ZNF776: variants seen among roughly 807,000 people sequenced by gnomAD.
ZNF776 encodes zinc finger protein 776.
A neutral mutation model predicts 7.0 loss-of-function variants in ZNF776; 4 were observed. That is an observed-to-expected ratio of 0.57 (90% CI 0.28 to 1.31). The LOEUF is 1.31. Among genes scored for constraint, ZNF776 ranks in the 50% most tolerant of loss-of-function variants. ZNF776 has a pLI of 0.10. For missense variants in ZNF776, 555 were observed against 625.9 expected (o/e 0.89, Z 1.21); for synonymous variants, 212 against 213.7 (o/e 0.99, Z 0.07).
chr19:57,753,221 A>G (rs981974924), intron 2 of ZNF776, 70 bp from the exon 3 acceptor site: 1 of 1,426,604 alleles, frequency 7.0e-7, no homozygotes, highest in African/African-American at 1.4e-5. Context: ...GCAGCTGTTG[A>G]TCAGGTATGG....
In ZNF776 at chr19:57,746,927, C is replaced by T; in HGVS notation, c.-132C>T. 1.1e-6 allele frequency: 1 copy of T among 892,894 alleles called. No individual in the cohort carries two copies. Among genetic ancestry groups the T allele is most frequent in the Non-Finnish European group, 1.7e-6 (1 of 595,042 alleles). The allele number at this position is 892,894 out of a possible 1,614,324, so 55.3% of individuals were successfully genotyped here. A position where few individuals can be genotyped will look rare whatever the true frequency, so the allele number is the denominator to read the frequency against. ...TGGAGACGAGACGTTGTCCCGACTG[C>T]ACAGAGGCTGCTCTGCAGCTCCTTA... On this transcript the variant is annotated 5_prime_UTR_variant, in exon 1 of 3. Transcript: ENST00000317178.
intron 2 of ZNF776, among the ~76,000 whole-genome samples, chr19:57,751,873 T>TTTTG (rs1555764029): frequency 2.7e-5 from 3 of 112,328 alleles, no homozygotes; most frequent in Admixed American, 1.7e-4. Flanking sequence ...GTTTTGTTTT[T>TTTTG]TTTTTTTTTT....
intron 1 of ZNF776, 52 bp downstream of exon 1, chr19:57,747,143 C>T: frequency 6.5e-7 from 1 of 1,540,824 alleles, no homozygotes. Context: ...TACCTAAGTC[C>T]AAAAGCAGAG....
At chr19:57,748,475 T>C (rs1986504933) in intron 1 of ZNF776, among the ~76,000 whole-genome samples, 1 of 152,166 alleles carries the variant, frequency 6.6e-6, no homozygotes, top group Admixed American at 6.5e-5. Context: ...TGGAAAGGGA[T>C]TGACACTGGA....
At chr19:57,748,289 GT>G (rs1449591443) in intron 1 of ZNF776, among the ~76,000 whole-genome samples, 4 of 152,158 alleles carry the variant, frequency 2.6e-5, no homozygotes, top group Non-Finnish European at 5.9e-5. Flanking sequence ...GGATCCCGAG[GT>G]TTTTGGTCTT....
At chr19:57,753,022 C>T (rs983391121) in intron 2 of ZNF776, among the ~76,000 whole-genome samples, 5 of 152,186 alleles carry the variant, frequency 3.3e-5, no homozygotes, top group African/African-American at 1.2e-4. Flanking sequence ...GATAAGTCTT[C>T]TTCATATTAC....
chr19:57,753,625 C>T lies in ZNF776; in HGVS notation c.495C>T (p.Ile165=). The T allele has an allele frequency of 6.2e-7, 1 of 1,614,110 alleles. No individual in the cohort carries two copies. The highest frequency in any genetic ancestry group is 1.1e-5 in the South Asian group (1 of 91,082). ...TCCATATGTCACATGAGCCATTTAT[C>T]TTTCATGAGGTTGGGAAAGACTTTT... is the stretch of plus-strand genomic sequence containing the variant. The part of the protein sequence containing the change: ...CKFHMSHEPF[I]FHEVGKDFLS... The change falls in exon 3 of 3, where the codon ATC becomes ATT. Residue 165 remains isoleucine, a synonymous_variant. Transcript: ENST00000317178.
chr19:57,747,847 T>A (rs1600064817), intron 1 of ZNF776, among the ~76,000 whole-genome samples: 1 of 5,794 alleles, frequency 1.7e-4, no homozygotes, highest in African/African-American at 5.6e-4. Flanking sequence ...TTAGGTACCT[T>A]TTTTTTTTTT....
rs968164183 is a variant in ZNF776 at position 57,756,925 on chromosome 19, T to C, written c.*2238T>C. On this transcript the variant is annotated 3_prime_UTR_variant, in exon 3 of 3. Coordinates refer to ENST00000317178, the MANE Select transcript of ZNF776 (RefSeq NM_173632.4). ...TGGAATACACTGGCATGGTCATACC[T>C]CACTGCGGCCTCAAACTCCTGGGCT... 2.3e-6 allele frequency: 1 copy of C among 443,872 alleles called. No homozygotes were observed. Among genetic ancestry groups the C allele is most frequent in the Admixed American group, 2.4e-5 (1 of 41,190 alleles). 27.5% of individuals were successfully genotyped at this position (443,872 alleles called of 1,614,324 possible).
chr19:57,746,818 G>A lies in ZNF776; in HGVS notation c.-241G>A, dbSNP rs73561444. 7.4e-3 allele frequency: 3,097 copies of A among 419,142 alleles called. 82 individuals are homozygous for A. Among genetic ancestry groups the A allele is most frequent in the African/African-American group, 0.056 (2,779 of 49,644 alleles). 26.0% of individuals were successfully genotyped at this position (419,142 alleles called of 1,614,324 possible). On this transcript the variant is annotated 5_prime_UTR_variant, in exon 1 of 3. Coordinates refer to ENST00000317178, the MANE Select transcript of ZNF776 (RefSeq NM_173632.4). ...GGGACTTCCGGCGTCCTCTACTAGT[G>A]GCCATTTTGATTGGTGTTGGGTGTA...
At chr19:57,753,159 G>C in intron 2 of ZNF776, 132 bp from the exon 3 acceptor site, 2 of 801,194 alleles carry the variant, frequency 2.5e-6, no homozygotes, top group Non-Finnish European at 4.0e-6. Flanking sequence ...AAAGCATGTG[G>C]GTGCTATATA....
chr19:57,748,810 C>G (rs750381640), intron 1 of ZNF776, among the ~76,000 whole-genome samples: 3 of 151,968 alleles, frequency 2.0e-5, no homozygotes, highest in Non-Finnish European at 4.4e-5. Context: ...GACACTTAGG[C>G]CAGAGTGGTA....
Position 57,753,368 on chromosome 19 carries a change from C to T in ZNF776, c.238C>T (p.His80Tyr), listed in dbSNP as rs113199212. The T allele has an allele frequency of 5.6e-5, 91 of 1,614,182 alleles. No individual in the cohort carries two copies. In the African/African-American group the frequency reaches 7.9e-4, roughly 14 times the overall value. ...ACAACAGGAGTCCCCACTCAGGACA[C>T]ATTGGACAGGTGTATGTACCAAGAA... Reference protein sequence around the residue: ...SIQQESPLRTHWTGVCTKKVH... With the variant: ...SIQQESPLRTYWTGVCTKKVH... The change falls in exon 3 of 3, where the codon CAT (histidine) becomes TAT (tyrosine). Residue 80 changes from histidine to tyrosine, a missense_variant. Transcript: ENST00000317178.
At chr19:57,749,425 C>T (rs1326928944) in intron 1 of ZNF776, 1 of 152,196 alleles carries the variant, frequency 6.6e-6, no homozygotes, top group Non-Finnish European at 1.5e-5. Context: ...AGGAGGCATT[C>T]ATAGAATTAT....
intron 2 of ZNF776, among the ~76,000 whole-genome samples, chr19:57,751,363 G>C (rs888100038): frequency 3.6e-5 from 4 of 109,960 alleles, no homozygotes; most frequent in African/African-American, 1.1e-4. Flanking sequence ...TGTTTGTTTT[G>C]TTTTGTTCTG....
Position 57,754,849 on chromosome 19 carries a change from G to A in ZNF776, c.*162G>A. 1 of 692,402 alleles carries A rather than the reference G, an allele frequency of 1.4e-6. No homozygotes were observed. The highest frequency in any genetic ancestry group is 2.4e-6 in the Non-Finnish European group (1 of 420,738). 42.9% of individuals were successfully genotyped at this position (692,402 alleles called of 1,614,324 possible). A position where few individuals can be genotyped will look rare whatever the true frequency, so the allele number is the denominator to read the frequency against. ...CACACTGGGGAAAGGCTTTCTGAGT[G>A]TAGAGAATGTATGAAATCCTGTACA... On this transcript the variant is annotated 3_prime_UTR_variant, in exon 3 of 3. Coordinates refer to ENST00000317178, the MANE Select transcript of ZNF776 (RefSeq NM_173632.4).
rs1208791123 is a variant in ZNF776, at chr19:57,751,680, T to A, written c.160+769T>A. On this transcript the variant is annotated intron_variant, in intron 2 of 2. Transcript: ENST00000317178. ...TGTGCCCTGAGTATTTTTTGCTTTT[T>A]TGTTTTTTTTTTTTTCAGACAGGGT... 2.0e-5 allele frequency among the ~76,000 whole-genome samples: 3 copies of A among 151,370 alleles called. No homozygotes were observed. In the East Asian group the frequency reaches 5.8e-4, roughly 29 times the overall value.
At chr19:57,750,955 T>C (rs1224942654) in intron 2 of ZNF776, 44 bp downstream of exon 2, 1 of 1,552,978 alleles carries the variant, frequency 6.4e-7, no homozygotes, top group African/African-American at 1.4e-5. Context: ...CTATTGTCTG[T>C]CTGTCCCCAT....
rs1986748747 is a variant in ZNF776 at position 57,755,410 on chromosome 19, G to A, written c.*723G>A. ...TCCTTCAAAATCAGAGTTCACACTG[G>A]ATCAAGGCTTTATGGTGTGACAAAT... On this transcript the variant is annotated 3_prime_UTR_variant, in exon 3 of 3. Transcript: ENST00000317178. 1 of 152,350 alleles carries A rather than the reference G, an allele frequency of 6.6e-6. No homozygotes were observed. The highest frequency in any genetic ancestry group is 1.5e-5 in the Non-Finnish European group (1 of 68,170). 9.4% of individuals were successfully genotyped at this position (152,350 alleles called of 1,614,324 possible).
Sources: gnomAD v4.1 joint callset for allele counts (sites outside exome capture counted in the v4.1 genomes callset) on GRCh38, gnomAD v4.1.1 for gene constraint, MANE v1.5 for transcripts, NCBI Gene and HGNC (gene_info 2026-07-23, HGNC 2026-07-21) for gene names.